The following PPP6R2 variants were observed in gnomAD, a reference collection of about 807,000 sequenced individuals.
PPP6R2 encodes the protein serine/threonine-protein phosphatase 6 regulatory subunit 2.
A neutral mutation model predicts 100.2 loss-of-function variants in PPP6R2; 62 were observed. The ratio of observed to expected loss-of-function variants is 0.62; its 90% confidence interval spans 0.50 to 0.76. The LOEUF is 0.76. PPP6R2 is among the 30% of genes least tolerant of loss of function. The pLI is 0.00. For missense variants in PPP6R2, 1,142 were observed against 1,276.3 expected (o/e 0.89, Z 1.60); for synonymous variants, 525 against 514.7 (o/e 1.02, Z -0.27).
At chr22:50,410,137 C>T (rs1009576771) in intron 4 of PPP6R2, among the ~76,000 whole-genome samples, 1 of 151,904 alleles carries the variant, frequency 6.6e-6, no homozygotes, top group East Asian at 1.9e-4. Flanking sequence ...TCACTTTCTA[C>T]ATTCTCCCTC....
Position 50,386,950 on chromosome 22 carries a change from G to A in PPP6R2, c.-16-6943G>A, listed in dbSNP as rs187094679. ...ACCTGCCTGCAGTCACACAGGTGGA[G>A]GGTGTGGATCCAGGCCCTCTCTTCC... On this transcript the variant is annotated intron_variant, in intron 2 of 23. Transcript: ENST00000612753. Among the ~76,000 whole-genome samples, 444 of 152,300 alleles carry A rather than the reference G, an allele frequency of 2.9e-3. 2 individuals carry two copies. The highest frequency in any genetic ancestry group is 6.0e-3 in the South Asian group (29 of 4,826).
At chr22:50,410,150 C>T (rs2059538895) in intron 4 of PPP6R2, among the ~76,000 whole-genome samples, 1 of 151,958 alleles carries the variant, frequency 6.6e-6, no homozygotes, top group Non-Finnish European at 1.5e-5. Context: ...TCTCCCTCTC[C>T]ATACCCTGCC....
chr22:50,385,506 AG>A (rs1569356592), intron 2 of PPP6R2, among the ~76,000 whole-genome samples: 1 of 121,392 alleles, frequency 8.2e-6, no homozygotes, highest in African/African-American at 3.1e-5. Context: ...CCAGGGATTA[AG>A]TTTTTTTTTT....
rs756544741 is a variant in PPP6R2 at position 50,431,324 on chromosome 22, G to A, written c.1277G>A (p.Arg426Gln). The A allele has an allele frequency of 1.2e-5, 20 of 1,613,022 alleles. No homozygotes were observed. Among genetic ancestry groups the A allele is most frequent in the African/African-American group, 2.7e-5 (2 of 74,920 alleles). Reference protein sequence around the residue: ...RVEPPHENGNRSLETPQPAAS... With the variant: ...RVEPPHENGNQSLETPQPAAS... ...GAGCCTCCGCATGAGAACGGGAACCGGAGCCTGGAGACTCCCCAGCCGGCC... is the reference window on the plus strand; with the variant it reads ...GAGCCTCCGCATGAGAACGGGAACCAGAGCCTGGAGACTCCCCAGCCGGCC... The change falls in exon 11 of 24, where the codon CGG (arginine) becomes CAG (glutamine). Residue 426 changes from arginine (R) to glutamine (Q), a missense_variant. Arg to Gln is a conservative substitution (Grantham distance 43, BLOSUM62 1). Transcript: ENST00000612753. The surrounding 1 kb of genome is among the most constrained non-coding windows in gnomAD (Gnocchi z 4.8).
intron 1 of PPP6R2, among the ~76,000 whole-genome samples, chr22:50,346,585 T>TGCTA (rs1303263064): frequency 9.4e-6 from 1 of 106,848 alleles, no homozygotes. Context: ...CAGTGTCCCC[T>TGCTA]GCTAGCTAGT....
At chr22:50,408,564 C>T (rs186014113) in intron 4 of PPP6R2, among the ~76,000 whole-genome samples, 35 of 152,222 alleles carry the variant, frequency 2.3e-4, no homozygotes, top group African/African-American at 7.7e-4. Context: ...GGAGTGGAGG[C>T]AGCGGGGAGC....
chr22:50,340,600 G>GTGAGTGGT (rs1555946591), upstream of PPP6R2, among the ~76,000 whole-genome samples: 1 of 147,394 alleles, frequency 6.8e-6, no homozygotes, highest in Non-Finnish European at 1.5e-5. Flanking sequence ...GTGTGTGTGT[G>GTGAGTGGT]GTGTGTGGTG....
chr22:50,438,077 A>T (rs966692869), intron 17 of PPP6R2, 97 bp from the exon 18 acceptor site: 18 of 1,527,228 alleles, frequency 1.2e-5, no homozygotes, highest in Non-Finnish European at 1.5e-5. Context: ...CGGGGCTCCC[A>T]CATCCCGAAC....
chr22:50,340,112 G>A (rs1195897423), upstream of PPP6R2, among the ~76,000 whole-genome samples: 1 of 142,374 alleles, frequency 7.0e-6, no homozygotes, highest in Non-Finnish European at 1.5e-5. Context: ...GTGGTATGTG[G>A]TGTGTGTACA....
chr22:50,379,317 G>A (rs1038750662), intron 2 of PPP6R2, among the ~76,000 whole-genome samples: 4 of 151,982 alleles, frequency 2.6e-5, no homozygotes, highest in Non-Finnish European at 4.4e-5. Flanking sequence ...GTGATGTGGT[G>A]AAACCCCGTC....
rs748880877 is a variant in PPP6R2 at position 50,444,057 on chromosome 22, T to G, written c.2771T>G (p.Ile924Ser). 2 of 1,612,848 alleles carry G rather than the reference T, an allele frequency of 1.2e-6. No homozygotes were observed. Among genetic ancestry groups the G allele is most frequent in the African/African-American group, 2.7e-5 (2 of 74,926 alleles). Residue 924 changes from isoleucine (I) to serine (S), a missense_variant, in exon 23 of 24, where the codon ATC becomes AGC. Ile to Ser is a moderately radical substitution (Grantham distance 142, BLOSUM62 -2). This residue lies in a region of PPP6R2 where 550 missense variants were observed against 517.4 expected (regional missense o/e 1.06). Transcript: ENST00000612753. ...ALAVAVPLGP[I>S]MAVTAAPAMV... ...GCCGTGGCGGTCCCCCTAGGGCCCA[T>G]CATGGCAGTCACAGCAGCCCCAGCC...
At chr22:50,413,979 C>T (rs879642386) in intron 4 of PPP6R2, among the ~76,000 whole-genome samples, 4 of 152,238 alleles carry the variant, frequency 2.6e-5, no homozygotes, top group Non-Finnish European at 4.4e-5. Context: ...GCTGTGCCCC[C>T]CCATGGCCTC....
chr22:50,370,567 G>T (rs145422594), intron 1 of PPP6R2, among the ~76,000 whole-genome samples: 5 of 152,034 alleles, frequency 3.3e-5, no homozygotes, highest in Non-Finnish European at 7.4e-5. Flanking sequence ...GATTACAGGC[G>T]TGAGCCACCA....
chr22:50,411,861 C>T (rs564520069), intron 4 of PPP6R2, among the ~76,000 whole-genome samples: 2 of 151,992 alleles, frequency 1.3e-5, no homozygotes, highest in African/African-American at 2.4e-5. Flanking sequence ...CTGGCTAACA[C>T]GGTGAAACTC....
In PPP6R2 at chr22:50,444,635, GTT is replaced by G. The variant is rs2066646537; in HGVS notation, c.*391_*392del. ...TTTTTACAGTTTTTTTTTTGTTGTT[GTT>G]TTGTTTTTAAAGAATACAGAAGGAG... On this transcript the variant is annotated 3_prime_UTR_variant, in exon 24 of 24. Coordinates refer to ENST00000612753, the MANE Select transcript of PPP6R2 (RefSeq NM_001242898.2). The G allele has an allele frequency of 4.1e-6, 1 of 244,092 alleles. No homozygotes were observed. Among genetic ancestry groups the G allele is most frequent in the Non-Finnish European group, 7.8e-6 (1 of 127,918 alleles). 15.1% of individuals were successfully genotyped at this position (244,092 alleles called of 1,614,324 possible).
intron 10 of PPP6R2, among the ~76,000 whole-genome samples, 174 bp from the exon 11 acceptor site, chr22:50,430,999 C>A (rs186817233): frequency 6.6e-6 from 1 of 152,172 alleles, no homozygotes; most frequent in African/African-American, 2.4e-5. Flanking sequence ...GAAGAAGCTC[C>A]GTAATAGAGA....
chr22:50,438,867 C>T lies in PPP6R2; in HGVS notation c.2128+105C>T, dbSNP rs150470435. 2.8e-3 allele frequency: 3,287 copies of T among 1,191,984 alleles called. 13 individuals are homozygous for T. Among genetic ancestry groups the T allele is most frequent in the Non-Finnish European group, 3.6e-3 (3,131 of 867,970 alleles). 73.8% of individuals were successfully genotyped at this position (1,191,984 alleles called of 1,614,324 possible). A position where few individuals can be genotyped will look rare whatever the true frequency, so the allele number is the denominator to read the frequency against. ...TCATTTGGAGCTGAGGCATTTGGGG[C>T]TCACTGTGGCCCGGAGCCTGAATCC... On this transcript the variant is annotated intron_variant, in intron 19 of 23. Coordinates refer to ENST00000612753, the MANE Select transcript of PPP6R2 (RefSeq NM_001242898.2).
chr22:50,444,161 G>T, intron 23 of PPP6R2, 38 bp from the exon 24 acceptor site: 1 of 1,611,464 alleles, frequency 6.2e-7, no homozygotes, highest in Non-Finnish European at 8.5e-7. Context: ...GACAGGGCCC[G>T]CAGCCCGCAC....
chr22:50,364,045 C>T (rs755385766), intron 1 of PPP6R2, among the ~76,000 whole-genome samples: 1 of 152,002 alleles, frequency 6.6e-6, no homozygotes, highest in Non-Finnish European at 1.5e-5. Context: ...CAGGCATGCA[C>T]CACCACGTCT....
Sources: allele counts gnomAD v4.1 joint callset (sites outside exome capture counted in the v4.1 genomes callset), GRCh38; gene constraint gnomAD v4.1.1; regional missense constraint gnomAD v4.1.1; non-coding constraint Gnocchi (gnomAD v3.1); transcripts MANE v1.5; gene names NCBI Gene and HGNC (gene_info 2026-07-23, HGNC 2026-07-21).